Variants in CACNA1I observed in about 807,000 individuals in gnomAD.
CACNA1I encodes voltage-dependent T-type calcium channel subunit alpha-1I.
Under a neutral mutation model 201.6 loss-of-function variants are expected in CACNA1I, and 74 were observed. That is an observed-to-expected ratio of 0.37 (90% confidence interval 0.30 to 0.45). CACNA1I has a LOEUF of 0.45. Among genes scored for constraint, CACNA1I ranks in the 20% least tolerant of loss-of-function variants. The probability of loss-of-function intolerance (pLI) is 1.00; values close to 1 mark genes in which losing one functional copy is unlikely to be tolerated. For synonymous variants in CACNA1I, 1,431 were observed against 1,345.2 expected, an observed-to-expected ratio of 1.06 and a Z score of -1.40; for missense variants, 2,346 against 3,138.1, an observed-to-expected ratio of 0.75 and a Z score of 6.03.
intron 10 of CACNA1I, among the ~76,000 whole-genome samples, chr22:39,650,686 G>A (rs1934621055): frequency 6.6e-6 from 1 of 152,262 alleles, no homozygotes; most frequent in Admixed American, 6.5e-5. Context: ...CCATGGCGCT[G>A]AGGGCGAGTG....
intron 3 of CACNA1I, among the ~76,000 whole-genome samples, chr22:39,614,478 C>G (rs1933473159): frequency 6.6e-6 from 1 of 152,212 alleles, no homozygotes; most frequent in Admixed American, 6.5e-5. Flanking sequence ...TTTGTGTTGG[C>G]AAAATTCTCA....
Position 39,684,847 on chromosome 22 carries a change from C to A in CACNA1I, c.6027+349C>A, listed in dbSNP as rs536205940. ...CGGGGTGCTGGCAGTGGGGAGGACA[C>A]CCTGGGTGCTCTGGGTGGGTGTGAG... On this transcript the variant is annotated intron_variant, in intron 36 of 36. Coordinates refer to ENST00000402142, the MANE Select transcript of CACNA1I (RefSeq NM_021096.4). This position sits in a 1 kb window ranked among gnomAD's most constrained non-coding sequence, Gnocchi z 4.6. 3.4e-4 allele frequency: 177 copies of A among 526,458 alleles called. 5 individuals carry two copies. The South Asian group carries it at 4.5e-3, about 13-fold the overall frequency. 32.6% of individuals were successfully genotyped at this position (526,458 alleles called of 1,614,324 possible). A position where few individuals can be genotyped will look rare whatever the true frequency, so the allele number is the denominator to read the frequency against.
intron 1 of CACNA1I, among the ~76,000 whole-genome samples, chr22:39,578,684 T>G (rs1290196876): frequency 6.6e-6 from 1 of 152,172 alleles, no homozygotes; most frequent in South Asian, 2.1e-4. Flanking sequence ...GCTCCACTGC[T>G]CCCTGCCTCC....
chr22:39,673,147 C>A, intron 28 of CACNA1I, 65 bp downstream of exon 28: 2 of 740,200 alleles, frequency 2.7e-6, no homozygotes, highest in Admixed American at 2.3e-5. Flanking sequence ...TCCTCATTGC[C>A]TGATGAGAAC....
chr22:39,582,376 G>GGGGA (rs1932583523), intron 1 of CACNA1I, among the ~76,000 whole-genome samples: 1 of 152,132 alleles, frequency 6.6e-6, no homozygotes, highest in African/African-American at 2.4e-5. Context: ...GCTCCAACGT[G>GGGGA]GGGAGGATGT....
At chr22:39,632,632 A>G (rs1005999825) in intron 4 of CACNA1I, among the ~76,000 whole-genome samples, 1 of 152,048 alleles carries the variant, frequency 6.6e-6, no homozygotes, top group Non-Finnish European at 1.5e-5. Context: ...TTGTCTTTGG[A>G]TTCCCCATGT....
At chr22:39,664,002 C>A in intron 19 of CACNA1I, 89 bp from the exon 20 acceptor site, 1 of 1,520,674 alleles carries the variant, frequency 6.6e-7, no homozygotes, top group South Asian at 1.1e-5. Context: ...GCAGCCTCTC[C>A]TCTACGAACC....
rs1935781934 is a variant in CACNA1I, at chr22:39,684,078, C to T, written c.5831-224C>T. On this transcript the variant is annotated intron_variant, in intron 35 of 36. Transcript: ENST00000402142. This position sits in a 1 kb window ranked among gnomAD's most constrained non-coding sequence, Gnocchi z 4.6. ...CAAAAGCTGTGTCTTTGCCCAGGGC[C>T]CCCGCCCCCTGGAATCAAAAGGGCT... Among the ~76,000 whole-genome samples, 1 of 152,190 alleles carries T rather than the reference C, an allele frequency of 6.6e-6. No homozygotes were observed. Among genetic ancestry groups the T allele is most frequent in the African/African-American group, 2.4e-5 (1 of 41,452 alleles).
At chr22:39,578,528 A>G (rs983765919) in intron 1 of CACNA1I, among the ~76,000 whole-genome samples, 1 of 151,842 alleles carries the variant, frequency 6.6e-6, no homozygotes, top group Admixed American at 6.5e-5. Flanking sequence ...CTGCAGAGAG[A>G]GCACTGGGCC....
intron 1 of CACNA1I, among the ~76,000 whole-genome samples, chr22:39,574,592 A>C (rs1215725446): frequency 6.6e-6 from 1 of 151,298 alleles, no homozygotes; most frequent in African/African-American, 2.4e-5. Context: ...TTAAGCTTGT[A>C]CTCCTCAATG....
At position 39,689,551 on chromosome 22, in the gene CACNA1I, G is replaced by T. The variant is rs750045920; in HGVS notation, c.*3146G>T. 1 of 152,826 alleles carries T rather than the reference G, an allele frequency of 6.5e-6. No individual in the cohort carries two copies. Among genetic ancestry groups the T allele is most frequent in the Non-Finnish European group, 1.5e-5 (1 of 68,170 alleles). 9.5% of individuals were successfully genotyped at this position (152,826 alleles called of 1,614,324 possible). On this transcript the variant is annotated 3_prime_UTR_variant, in exon 37 of 37. Transcript: ENST00000402142. Reference sequence around the variant, plus strand: ...AGGCCACCTCCTCCAGAAAGCCCTCGGCCTGGGCCGCCGCCGTGACTCTAG... The same window carrying T: ...AGGCCACCTCCTCCAGAAAGCCCTCTGCCTGGGCCGCCGCCGTGACTCTAG...
At chr22:39,634,807 G>T (rs1934162559) in intron 5 of CACNA1I, 83 bp downstream of exon 5, 3 of 1,353,580 alleles carry the variant, frequency 2.2e-6, no homozygotes, top group Non-Finnish European at 3.1e-6. Flanking sequence ...TTGGGAATCA[G>T]GACCAATGGG....
intron 33 of CACNA1I, 140 bp from the exon 34 acceptor site, chr22:39,680,790 C>T: frequency 1.2e-6 from 1 of 861,406 alleles, no homozygotes; most frequent in Non-Finnish European, 1.7e-6. Flanking sequence ...GACACATCAT[C>T]CGTGTCCAGC....
intron 2 of CACNA1I, among the ~76,000 whole-genome samples, chr22:39,599,748 G>A (rs1249649587): frequency 2.0e-5 from 3 of 152,154 alleles, no homozygotes; most frequent in South Asian, 2.1e-4. Context: ...CCGGGCCCCA[G>A]GCCTGGTTAG....
rs952018326 is a variant in CACNA1I at position 39,658,872 on chromosome 22, C to A, written c.2145-59C>A. 2.4e-5 allele frequency: 34 copies of A among 1,427,098 alleles called. No homozygotes were observed. The African/African-American group carries it at 4.7e-4, about 20-fold the overall frequency. The allele number at this position is 1,427,098 out of a possible 1,614,324, so 88.4% of individuals were successfully genotyped here. A position where few individuals can be genotyped will look rare whatever the true frequency, so the allele number is the denominator to read the frequency against. ...CCCTTCTCCCTCTGTCTTCCTCTCC[C>A]CCTGGCCTCCTACTGCTGCCTCCTA... On this transcript the variant is annotated intron_variant, in intron 11 of 36. Coordinates refer to ENST00000402142, the MANE Select transcript of CACNA1I (RefSeq NM_021096.4).
intron 26 of CACNA1I, among the ~76,000 whole-genome samples, chr22:39,671,161 G>A (rs1035371729): frequency 6.6e-6 from 1 of 152,192 alleles, no homozygotes; most frequent in African/African-American, 2.4e-5. Flanking sequence ...GGAAGGGAAC[G>A]GTCAGAGGGA....
At position 39,684,522 on chromosome 22, in the gene CACNA1I, G is replaced by A; in HGVS notation, c.6027+24G>A. On this transcript the variant is annotated intron_variant, in intron 36 of 36. Coordinates refer to ENST00000402142, the MANE Select transcript of CACNA1I (RefSeq NM_021096.4). The surrounding 1 kb of genome is among the most constrained non-coding windows in gnomAD (Gnocchi z 4.6). ...AGGTACCGACACCTCCCAGGCCCTAGAGCACTGGTCTGTGGGCAAGGGGCA... is the reference window on the plus strand; with the variant it reads ...AGGTACCGACACCTCCCAGGCCCTAAAGCACTGGTCTGTGGGCAAGGGGCA... The A allele has an allele frequency of 1.2e-6, 2 of 1,604,962 alleles. No homozygotes were observed. The highest frequency in any genetic ancestry group is 1.1e-5 in the South Asian group (1 of 89,560).
In CACNA1I at chr22:39,662,496, G is replaced by A; in HGVS notation, c.3372+61G>A. On this transcript the variant is annotated intron_variant, in intron 17 of 36. Coordinates refer to ENST00000402142, the MANE Select transcript of CACNA1I (RefSeq NM_021096.4). ...GTGGGATAGGACAGAAGTGGGTGCG[G>A]CCCCAGGAGGCGGGGCCCGAGCGGG... 4 of 1,244,468 alleles carry A rather than the reference G, an allele frequency of 3.2e-6. No individual in the cohort carries two copies. In the African/African-American group the frequency reaches 4.8e-5, roughly 15 times the overall value. 77.1% of individuals were successfully genotyped at this position (1,244,468 alleles called of 1,614,324 possible).
intron 17 of CACNA1I, 32 bp from the exon 18 acceptor site, chr22:39,662,744 T>A (rs545860303): frequency 4.1e-6 from 6 of 1,477,912 alleles, no homozygotes; most frequent in Non-Finnish European, 3.7e-6. Flanking sequence ...TGCGCATCGC[T>A]GACCCCCGGC....
Sources: allele counts gnomAD v4.1 joint callset (sites outside exome capture counted in the v4.1 genomes callset), GRCh38; gene constraint gnomAD v4.1.1; non-coding constraint Gnocchi (gnomAD v3.1); transcripts MANE v1.5; gene names NCBI Gene and HGNC (gene_info 2026-07-23, HGNC 2026-07-21).